SLC16A10: variants seen among roughly 807,000 people sequenced by gnomAD.
SLC16A10 encodes the protein solute carrier family 16 member 10.
A neutral mutation model predicts 40.0 loss-of-function variants in SLC16A10; 27 were observed. That is an observed-to-expected ratio of 0.67 (90% CI 0.50 to 0.93). The LOEUF is 0.93. Ranked by LOEUF, SLC16A10 falls within the 40% of genes least tolerant of loss-of-function variation. The probability of loss-of-function intolerance (pLI) is 0.00; values close to 1 mark genes in which losing one functional copy is unlikely to be tolerated. For missense variants in SLC16A10, 529 were observed against 658.2 expected (o/e 0.80, Z 2.15); for synonymous variants, 213 against 249.8 (o/e 0.85, Z 1.39).
Position 111,222,002 on chromosome 6 carries a change from G to A in SLC16A10, c.1316-1G>A, listed in dbSNP as rs1562438425. The A allele has an allele frequency of 6.2e-7, 1 of 1,600,996 alleles. No individual in the cohort carries two copies. Among genetic ancestry groups the A allele is most frequent in the Middle Eastern group, 1.7e-4 (1 of 6,024 alleles). On this transcript the variant is annotated splice_acceptor_variant, in intron 5 of 5. Coordinates refer to ENST00000368851, the MANE Select transcript of SLC16A10 (RefSeq NM_018593.5). LOFTEE classifies it high-confidence loss of function. The stretch of plus-strand genomic sequence containing the variant: ...TTGGTGACAGCTTTTTCCCTTCTCA[G>A]GGTTACTTCGTGACAAACTGGGCTC...
At chr6:111,124,427 C>T (rs73528998) in intron 1 of SLC16A10, among the ~76,000 whole-genome samples, 17,557 of 151,458 alleles carry the variant, frequency 0.12, 1,132 homozygotes, top group Middle Eastern at 0.17. Flanking sequence ...GCAATCATGG[C>T]CACGGCTCAC....
intron 3 of SLC16A10, among the ~76,000 whole-genome samples, chr6:111,198,829 A>T (rs1773120835): frequency 1.3e-5 from 2 of 152,250 alleles, no homozygotes. Context: ...TCAGTCCAAG[A>T]ATAAGTTTAA....
intron 2 of SLC16A10, among the ~76,000 whole-genome samples, chr6:111,174,217 T>C (rs2114544182): frequency 6.6e-6 from 1 of 152,356 alleles, no homozygotes; most frequent in South Asian, 2.1e-4. Context: ...CTTCATTTCC[T>C]GCCTCTTTCC....
intron 1 of SLC16A10, among the ~76,000 whole-genome samples, chr6:111,152,409 A>G (rs73530941): frequency 0.012 from 1,814 of 152,342 alleles, 24 homozygotes; most frequent in African/African-American, 0.042. Flanking sequence ...TGTTGAATGA[A>G]TGAAGGTGTT....
chr6:111,179,128 T>TAA (rs5879091), intron 3 of SLC16A10, among the ~76,000 whole-genome samples: 27 of 151,590 alleles, frequency 1.8e-4, no homozygotes, highest in African/African-American at 6.0e-4. Context: ...CACCCAGCTT[T>TAA]AAAAAAAAAT....
chr6:111,127,382 G>A (rs1321274844), intron 1 of SLC16A10, among the ~76,000 whole-genome samples: 3 of 152,148 alleles, frequency 2.0e-5, no homozygotes, highest in African/African-American at 7.2e-5. Flanking sequence ...CACAGAAGCC[G>A]AAAGGCAGGA....
chr6:111,222,068 A>G lies in SLC16A10; in HGVS notation c.1381A>G (p.Ile461Val). 2 of 1,610,734 alleles carry G rather than the reference A, an allele frequency of 1.2e-6. No individual in the cohort carries two copies. The highest frequency in any genetic ancestry group is 1.7e-6 in the Non-Finnish European group (2 of 1,179,146). Reference sequence around the variant, plus strand: ...CTACCTCGCTGGAGTCCCTCCCCTTATTGGAGGTGCTGTGCTTTGTTTTAT... The same window carrying G: ...CTACCTCGCTGGAGTCCCTCCCCTTGTTGGAGGTGCTGTGCTTTGTTTTAT... ...AFYLAGVPPL[I>V]GGAVLCFIPW... Residue 461 changes from isoleucine to valine, a missense_variant, in exon 6 of 6, where the codon ATT becomes GTT. Ile to Val is a conservative substitution (Grantham distance 29). Transcript: ENST00000368851.
chr6:111,140,973 G>A (rs775218121), intron 1 of SLC16A10, among the ~76,000 whole-genome samples: 1 of 152,008 alleles, frequency 6.6e-6, no homozygotes, highest in Non-Finnish European at 1.5e-5. Flanking sequence ...GTTTTTAATA[G>A]AGGTAAGGGT....
At chr6:111,114,755 A>G (rs895275625) in intron 1 of SLC16A10, among the ~76,000 whole-genome samples, 1 of 152,228 alleles carries the variant, frequency 6.6e-6, no homozygotes, top group Non-Finnish European at 1.5e-5. Context: ...TAAAATTATA[A>G]AGCAAATATT....
At chr6:111,094,403 ATGACAG>A (rs1445640405) in intron 1 of SLC16A10, among the ~76,000 whole-genome samples, 1 of 152,174 alleles carries the variant, frequency 6.6e-6, no homozygotes, top group Non-Finnish European at 1.5e-5. Context: ...ACTACCAAAA[ATGACAG>A]CCCATTTGTC....
At chr6:111,212,753 A>C (rs1773363907) in intron 4 of SLC16A10, among the ~76,000 whole-genome samples, 1 of 151,562 alleles carries the variant, frequency 6.6e-6, no homozygotes, top group African/African-American at 2.4e-5. Context: ...TGATCATGCC[A>C]CTGCATACCA....
intron 3 of SLC16A10, 118 bp from the exon 4 acceptor site, chr6:111,206,474 T>A: frequency 9.8e-7 from 1 of 1,019,794 alleles, no homozygotes; most frequent in East Asian, 2.5e-5. Flanking sequence ...ATATTGAAAT[T>A]TGGAAAAAGT....
At chr6:111,140,901 T>A (rs1771970566) in intron 1 of SLC16A10, among the ~76,000 whole-genome samples, 1 of 152,174 alleles carries the variant, frequency 6.6e-6, no homozygotes, top group Non-Finnish European at 1.5e-5. Flanking sequence ...TCCTCCCGCC[T>A]CAGCCTCCCA....
intron 3 of SLC16A10, among the ~76,000 whole-genome samples, chr6:111,185,649 T>C (rs1772881843): frequency 6.6e-6 from 1 of 152,234 alleles, no homozygotes; most frequent in Non-Finnish European, 1.5e-5. Context: ...TGTTCAATTT[T>C]GCTTTCTACA....
chr6:111,117,285 G>A (rs1771503972), intron 1 of SLC16A10, among the ~76,000 whole-genome samples: 1 of 150,700 alleles, frequency 6.6e-6, no homozygotes, highest in Non-Finnish European at 1.5e-5. Context: ...CCGGGAGGCG[G>A]AGGTTGCAGT....
intron 1 of SLC16A10, among the ~76,000 whole-genome samples, chr6:111,139,813 G>A (rs1771948705): frequency 1.3e-5 from 2 of 152,142 alleles, no homozygotes; most frequent in African/African-American, 4.8e-5. Flanking sequence ...GGATTGAATG[G>A]TAGTTCTTCT....
At chr6:111,211,962 T>C (rs1473533738) in intron 4 of SLC16A10, among the ~76,000 whole-genome samples, 1 of 152,234 alleles carries the variant, frequency 6.6e-6, no homozygotes, top group Non-Finnish European at 1.5e-5. Flanking sequence ...ACATACCTGC[T>C]CCCTGCTTTC....
At chr6:111,110,842 T>G (rs1004208936) in intron 1 of SLC16A10, among the ~76,000 whole-genome samples, 2 of 152,218 alleles carry the variant, frequency 1.3e-5, no homozygotes, top group African/African-American at 2.4e-5. Flanking sequence ...GTTTTCTATC[T>G]ATTTTCACTT....
At chr6:111,139,620 CTG>C (rs1165562515) in intron 1 of SLC16A10, among the ~76,000 whole-genome samples, 1 of 152,108 alleles carries the variant, frequency 6.6e-6, no homozygotes, top group Admixed American at 6.6e-5. Flanking sequence ...TTTCTTATGA[CTG>C]TGTAGTATTC....
Sources: gnomAD v4.1 joint callset for allele counts (sites outside exome capture counted in the v4.1 genomes callset) on GRCh38, gnomAD v4.1.1 for gene constraint, MANE v1.5 for transcripts, NCBI Gene and HGNC (gene_info 2026-07-23, HGNC 2026-07-21) for gene names.